Variants in KLF12 observed in about 807,000 individuals in gnomAD.
The protein encoded by KLF12 is KLF transcription factor 12, also known as Krueppel-like factor 12.
KLF12 carries 9 observed loss-of-function variants against 37.8 expected under a neutral mutation model. The ratio of observed to expected loss-of-function variants is 0.24; its 90% CI spans 0.14 to 0.42. KLF12 has a LOEUF of 0.42. KLF12 is among the 10% of genes least tolerant of loss of function. The probability of loss-of-function intolerance (pLI) is 1.00; values close to 1 mark genes in which losing one functional copy is unlikely to be tolerated. For synonymous variants in KLF12, 208 were observed against 202.1 expected, an observed-to-expected ratio of 1.03 and a Z score of -0.25; for missense variants, 411 against 516.0, an observed-to-expected ratio of 0.80 and a Z score of 1.97.
At chr13:73,839,912 C>T (rs898392015) in intron 4 of KLF12, among the ~76,000 whole-genome samples, 1 of 152,146 alleles carries the variant, frequency 6.6e-6, no homozygotes, top group African/African-American at 2.4e-5. Context: ...TCTTTTAAAA[C>T]CCCTCCCTTG....
At chr13:74,198,837 G>A in the KLF12 span, among the ~76,000 whole-genome samples, 3 of 152,272 alleles carry the variant, frequency 2.0e-5, no homozygotes, top group African/African-American at 7.2e-5. Context: ...AGTCTCATGT[G>A]CCATGGAAGG....
intron 6 of KLF12, among the ~76,000 whole-genome samples, chr13:73,753,111 A>G (rs770960593): frequency 1.3e-5 from 2 of 151,866 alleles, no homozygotes; most frequent in Non-Finnish European, 2.9e-5. Context: ...CTGAAACATA[A>G]GACTCCACCA....
At chr13:74,245,327 ATCT>A in the KLF12 span, among the ~76,000 whole-genome samples, 7 of 149,216 alleles carry the variant, frequency 4.7e-5, no homozygotes, top group African/African-American at 1.8e-4. Context: ...CTATCTATCT[ATCT>A]ATCTATCTAT....
intron 3 of KLF12, among the ~76,000 whole-genome samples, chr13:73,862,548 G>A (rs936476049): frequency 6.6e-6 from 1 of 152,072 alleles, no homozygotes; most frequent in African/African-American, 2.4e-5. Flanking sequence ...TGAAATCACT[G>A]TAATCAATTC....
chr13:74,137,855 C>T (rs1842877665), upstream of KLF12, among the ~76,000 whole-genome samples: 1 of 152,152 alleles, frequency 6.6e-6, no homozygotes, highest in African/African-American at 2.4e-5. Context: ...CCGCCTCCCG[C>T]GTTCAAGCGA....
At chr13:73,726,225 C>G (rs1307784307) in intron 6 of KLF12, among the ~76,000 whole-genome samples, 1 of 152,126 alleles carries the variant, frequency 6.6e-6, no homozygotes, top group Non-Finnish European at 1.5e-5. Flanking sequence ...GTAAAGCTGA[C>G]CCAATGTCCA....
intron 3 of KLF12, among the ~76,000 whole-genome samples, chr13:73,911,126 T>C (rs1006403411): frequency 2.0e-5 from 3 of 152,188 alleles, no homozygotes; most frequent in African/African-American, 7.2e-5. Context: ...TGAAAAAAGA[T>C]AAGCTAGGTG....
intron 5 of KLF12, among the ~76,000 whole-genome samples, chr13:73,767,268 C>T (rs575690914): frequency 1.3e-5 from 2 of 152,158 alleles, no homozygotes; most frequent in Non-Finnish European, 2.9e-5. Context: ...CAGGTAGCAA[C>T]GTCAAAACCT....
intron 3 of KLF12, among the ~76,000 whole-genome samples, chr13:73,864,627 CAATCCAAAAGATTTTA>C (rs1886087251): frequency 6.6e-6 from 1 of 152,034 alleles, no homozygotes; most frequent in Non-Finnish European, 1.5e-5. Flanking sequence ...CCAAAATATT[CAATCCAAAAGATTTTA>C]AATTACAAAG....
intron 1 of KLF12, among the ~76,000 whole-genome samples, chr13:74,091,383 C>T (rs1406617635): frequency 2.0e-5 from 3 of 152,108 alleles, no homozygotes; most frequent in Admixed American, 1.3e-4. Context: ...ATAATACCTC[C>T]GTAGTTTTGA....
At chr13:73,828,057 T>C (rs547983885) in intron 4 of KLF12, among the ~76,000 whole-genome samples, 28 of 152,312 alleles carry the variant, frequency 1.8e-4, no homozygotes, top group African/African-American at 6.3e-4. Flanking sequence ...TCTCAGTCAA[T>C]GTATGTCTGA....
Position 73,789,272 on chromosome 13 carries a change from C to T in KLF12, c.806+23880G>A, listed in dbSNP as rs1228034786. Among the ~76,000 whole-genome samples the T allele has an allele frequency of 2.0e-5, 3 of 152,268 alleles. No homozygotes were observed. The East Asian group carries it at 5.8e-4, about 29-fold the overall frequency. ...CTTTAGAGTCACAAAATACCTTCTC[C>T]ATGTTATCTGGACTTCACAAAAGTC... On this transcript the variant is annotated intron_variant, in intron 5 of 7. Coordinates refer to ENST00000377669, the MANE Select transcript of KLF12 (RefSeq NM_007249.5).
intron 2 of KLF12, among the ~76,000 whole-genome samples, chr13:73,956,337 G>C (rs1593779757): frequency 6.6e-6 from 1 of 152,160 alleles, no homozygotes; most frequent in Non-Finnish European, 1.5e-5. Context: ...GAGTATATTT[G>C]AGGAAGTCCA....
chr13:74,040,915 C>T (rs1170578152), intron 1 of KLF12, among the ~76,000 whole-genome samples: 1 of 152,168 alleles, frequency 6.6e-6, no homozygotes, highest in Non-Finnish European at 1.5e-5. Flanking sequence ...TCACCCAGAC[C>T]TTTCCCATTC....
At position 73,946,380 on chromosome 13, in the gene KLF12, C is replaced by G. The variant is rs370793908; in HGVS notation, c.34-2310G>C. Among the ~76,000 whole-genome samples, 16 of 152,266 alleles carry G rather than the reference C, an allele frequency of 1.1e-4. No homozygotes were observed. In the East Asian group the frequency reaches 1.9e-3, roughly 18 times the overall value. ...CATTTTCCCCACTGGCTGTGATAAA[C>G]TCATTAGTTTAAAAAATGGAAGCTA... On this transcript the variant is annotated intron_variant, in intron 2 of 7. Transcript: ENST00000377669.
chr13:74,245,307 A>G, the KLF12 span, among the ~76,000 whole-genome samples: 1 of 145,686 alleles, frequency 6.9e-6, no homozygotes, highest in African/African-American at 2.7e-5. Flanking sequence ...CTATCTATCT[A>G]TCTATCTATC....
chr13:73,733,586 G>A (rs1877229999), intron 6 of KLF12, among the ~76,000 whole-genome samples: 1 of 152,042 alleles, frequency 6.6e-6, no homozygotes, highest in African/African-American at 2.4e-5. Flanking sequence ...TGACAGATGG[G>A]CATCTAGGTT....
At chr13:73,991,483 T>C (rs1891969979) in intron 2 of KLF12, among the ~76,000 whole-genome samples, 1 of 152,224 alleles carries the variant, frequency 6.6e-6, no homozygotes, top group South Asian at 2.1e-4. Context: ...ATCAATACCA[T>C]GCACACTTTT....
the KLF12 span, among the ~76,000 whole-genome samples, chr13:74,300,407 A>G: frequency 1.3e-5 from 2 of 152,186 alleles, no homozygotes; most frequent in Admixed American, 1.3e-4. Flanking sequence ...GATGACCTCT[A>G]AGGTTTGAAG....
Sources: allele counts gnomAD v4.1 joint callset (sites outside exome capture counted in the v4.1 genomes callset), GRCh38; gene constraint gnomAD v4.1.1; transcripts MANE v1.5; gene names NCBI Gene and HGNC (gene_info 2026-07-23, HGNC 2026-07-21).